Variants in HCN1 observed in about 807,000 individuals in gnomAD.
HCN1 encodes potassium/sodium hyperpolarization-activated cyclic nucleotide-gated channel 1.
HCN1 carries 13 observed loss-of-function variants against 78.9 expected under a neutral mutation model. The observed-to-expected ratio is 0.16, with a 90% CI of 0.11 to 0.26. The LOEUF is 0.26. HCN1 is among the 10% of genes least tolerant of loss of function. The pLI is 1.00. For synonymous variants in HCN1, 552 were observed against 455.5 expected, an observed-to-expected ratio of 1.21 and a Z score of -2.70; for missense variants, 810 against 1,154.3, an observed-to-expected ratio of 0.70 and a Z score of 4.32.
At chr5:45,619,560 T>C (rs1158278377) in intron 2 of HCN1, among the ~76,000 whole-genome samples, 1 of 151,976 alleles carries the variant, frequency 6.6e-6, no homozygotes. Context: ...ATGAATGAAT[T>C]AGCTGGGGAA....
At chr5:45,586,697 T>C (rs1291981400) in intron 2 of HCN1, among the ~76,000 whole-genome samples, 1 of 152,126 alleles carries the variant, frequency 6.6e-6, no homozygotes, top group African/African-American at 2.4e-5. Flanking sequence ...AGCCACCAAA[T>C]TTGTGGCAAT....
At chr5:45,387,410 T>C (rs1223798622) in intron 4 of HCN1, among the ~76,000 whole-genome samples, 1 of 152,068 alleles carries the variant, frequency 6.6e-6, no homozygotes, top group African/African-American at 2.4e-5. Flanking sequence ...AATGATCAGA[T>C]TACAATTGAA....
intron 5 of HCN1, among the ~76,000 whole-genome samples, chr5:45,304,626 G>C (rs1436872901): frequency 6.6e-6 from 1 of 152,090 alleles, no homozygotes; most frequent in Non-Finnish European, 1.5e-5. Context: ...AGTGAGCCAA[G>C]ATCATACCAC....
intron 5 of HCN1, among the ~76,000 whole-genome samples, chr5:45,348,988 C>G (rs1210995742): frequency 1.3e-5 from 2 of 152,072 alleles, no homozygotes; most frequent in African/African-American, 4.8e-5. Context: ...AACAATGATA[C>G]CCAGGAATTG....
intron 5 of HCN1, among the ~76,000 whole-genome samples, chr5:45,342,046 G>T (rs1322725545): frequency 6.6e-6 from 1 of 152,068 alleles, no homozygotes; most frequent in African/African-American, 2.4e-5. Context: ...AGATTGCGTT[G>T]ACATGGTTAA....
At chr5:45,419,652 G>A (rs947871965) in intron 3 of HCN1, among the ~76,000 whole-genome samples, 3 of 152,136 alleles carry the variant, frequency 2.0e-5, no homozygotes, top group Non-Finnish European at 4.4e-5. Flanking sequence ...GGCTAATGGA[G>A]AACCCTGAAA....
intron 6 of HCN1, among the ~76,000 whole-genome samples, chr5:45,300,955 C>G (rs1214756038): frequency 6.6e-6 from 1 of 151,950 alleles, no homozygotes; most frequent in Non-Finnish European, 1.5e-5. Context: ...TGGAAAGCTT[C>G]AAAATGGAAC....
intron 4 of HCN1, among the ~76,000 whole-genome samples, chr5:45,355,835 AT>A (rs1286861083): frequency 6.6e-6 from 1 of 152,058 alleles, no homozygotes; most frequent in East Asian, 1.9e-4. Flanking sequence ...GAAGGATTAA[AT>A]TTCACAGGGG....
At chr5:45,609,263 C>T (rs1269002761) in intron 2 of HCN1, among the ~76,000 whole-genome samples, 1 of 152,032 alleles carries the variant, frequency 6.6e-6, no homozygotes, top group Non-Finnish European at 1.5e-5. Flanking sequence ...CACAAGAAGA[C>T]ATGTAAAATA....
intron 1 of HCN1, among the ~76,000 whole-genome samples, chr5:45,684,234 T>C (rs1213288704): frequency 6.6e-6 from 1 of 152,208 alleles, no homozygotes; most frequent in Non-Finnish European, 1.5e-5. Flanking sequence ...TCTTCAAGCC[T>C]AGAATCACTA....
chr5:45,466,516 A>G (rs1276173419), intron 2 of HCN1, among the ~76,000 whole-genome samples: 1 of 152,132 alleles, frequency 6.6e-6, no homozygotes, highest in East Asian at 1.9e-4. Context: ...AGAACATTCT[A>G]TTTTAAAAGG....
Position 45,255,661 on chromosome 5 carries a change from C to A in HCN1, c.*6260G>T, listed in dbSNP as rs1026288831. The A allele has an allele frequency of 5.3e-5, 8 of 152,128 alleles. No individual in the cohort carries two copies. Among genetic ancestry groups the A allele is most frequent in the African/African-American group, 1.9e-4 (8 of 41,414 alleles). The allele number at this position is 152,128 out of a possible 1,614,324, so 9.4% of individuals were successfully genotyped here. On this transcript the variant is annotated 3_prime_UTR_variant, in exon 8 of 8. Coordinates refer to ENST00000303230, the MANE Select transcript of HCN1 (RefSeq NM_021072.4). ...AATTTTGAATGCTTGGAAACTAAGACCTTGAACAAATATGAGAAAGAAATG... is the reference window on the plus strand; with the variant it reads ...AATTTTGAATGCTTGGAAACTAAGAACTTGAACAAATATGAGAAAGAAATG...
At chr5:45,320,859 C>T (rs1232352349) in intron 5 of HCN1, among the ~76,000 whole-genome samples, 2 of 151,798 alleles carry the variant, frequency 1.3e-5, no homozygotes, top group East Asian at 1.9e-4. Context: ...ATAGCATGTA[C>T]ATTTCTATTC....
At chr5:45,550,225 T>C (rs1236253106) in intron 2 of HCN1, among the ~76,000 whole-genome samples, 1 of 152,132 alleles carries the variant, frequency 6.6e-6, no homozygotes, top group African/African-American at 2.4e-5. Flanking sequence ...CTATTCACAA[T>C]AGCAAAGACT....
At chr5:45,486,077 T>C (rs1032237952) in intron 2 of HCN1, among the ~76,000 whole-genome samples, 1 of 152,180 alleles carries the variant, frequency 6.6e-6, no homozygotes, top group African/African-American at 2.4e-5. Flanking sequence ...AAGTGATGCA[T>C]GTAAGGTTCA....
intron 2 of HCN1, among the ~76,000 whole-genome samples, chr5:45,610,517 CATAT>C (rs1452920736): frequency 6.7e-6 from 1 of 149,198 alleles, no homozygotes; most frequent in Non-Finnish European, 1.5e-5. Context: ...TATAGAATAT[CATAT>C]ATAATCTCTA....
chr5:45,425,814 C>T (rs1422632409), intron 3 of HCN1, among the ~76,000 whole-genome samples: 1 of 152,064 alleles, frequency 6.6e-6, no homozygotes, highest in Admixed American at 6.6e-5. Flanking sequence ...GGAATCAAGT[C>T]AGGAGAGAAG....
intron 3 of HCN1, among the ~76,000 whole-genome samples, chr5:45,432,082 C>T (rs922589276): frequency 3.9e-5 from 6 of 152,066 alleles, no homozygotes. Context: ...TAATGTTTTT[C>T]CATTTGTCGC....
At chr5:45,571,790 T>A (rs1743842339) in intron 2 of HCN1, among the ~76,000 whole-genome samples, 1 of 152,108 alleles carries the variant, frequency 6.6e-6, no homozygotes, top group African/African-American at 2.4e-5. Flanking sequence ...GGCACATGCC[T>A]GTAATCCCAC....
Sources: gnomAD v4.1 joint callset for allele counts (sites outside exome capture counted in the v4.1 genomes callset) on GRCh38, gnomAD v4.1.1 for gene constraint, MANE v1.5 for transcripts, NCBI Gene and HGNC (gene_info 2026-07-23, HGNC 2026-07-21) for gene names.